EFCAB6: variants seen among roughly 807,000 people sequenced by gnomAD.
The protein encoded by EFCAB6 is EF-hand calcium binding domain 6.
In EFCAB6, 156 loss-of-function variants were observed where a neutral mutation model predicts 169.8. The ratio of observed to expected loss-of-function variants is 0.92; its 90% CI spans 0.81 to 1.05. EFCAB6 has a LOEUF of 1.05. Among genes scored for constraint, EFCAB6 ranks in the 50% least tolerant of loss-of-function variants. The pLI, the probability that EFCAB6 is intolerant of heterozygous loss-of-function variation, is 0.00. For missense variants in EFCAB6, 1,800 were observed against 1,829.1 expected (o/e 0.98, Z 0.29); for synonymous variants, 698 against 676.4 (o/e 1.03, Z -0.50).
At position 43,607,605 on chromosome 22, in the gene EFCAB6, C is replaced by T. The variant is rs77004505; in HGVS notation, c.2681+877G>A. Among the ~76,000 whole-genome samples, 354 of 152,316 alleles carry T rather than the reference C, an allele frequency of 2.3e-3. 2 individuals carry two copies. Among genetic ancestry groups the T allele is most frequent in the African/African-American group, 8.4e-3 (348 of 41,558 alleles). On this transcript the variant is annotated intron_variant, in intron 22 of 31. Transcript: ENST00000262726. ...AAAAGTAAGCATTTTGTAAGAACTTCCAGTTGCTTTTCTAAATTAGACACA... is the reference window on the plus strand; with the variant it reads ...AAAAGTAAGCATTTTGTAAGAACTTTCAGTTGCTTTTCTAAATTAGACACA...
At position 43,611,608 on chromosome 22, in the gene EFCAB6, G is replaced by C. The variant is rs549392429; in HGVS notation, c.2563-3008C>G. ...GCCCAGGAGTTCAAGACAAGTCTGG[G>C]AAACATGGCGAAACCCTATCTCCAC... On this transcript the variant is annotated intron_variant, in intron 21 of 31. Coordinates refer to ENST00000262726, the MANE Select transcript of EFCAB6 (RefSeq NM_022785.4). Among the ~76,000 whole-genome samples, 157 of 152,156 alleles carry C rather than the reference G, an allele frequency of 1.0e-3. 1 individual carries two copies. Among genetic ancestry groups the C allele is most frequent in the African/African-American group, 3.6e-3 (150 of 41,512 alleles).
At position 43,667,021 on chromosome 22, in the gene EFCAB6, G is replaced by A; in HGVS notation, c.1983+83C>T. Reference sequence around the variant, plus strand: ...ATGGATCTGCTGCGTCCTGGGATAAGCCATTGTCCTTTAAAGTATGTTAGT... The same window carrying A: ...ATGGATCTGCTGCGTCCTGGGATAAACCATTGTCCTTTAAAGTATGTTAGT... On this transcript the variant is annotated intron_variant, in intron 17 of 31. Transcript: ENST00000262726. 2.7e-6 allele frequency: 4 copies of A among 1,467,796 alleles called. No individual in the cohort carries two copies. The South Asian group carries it at 5.8e-5, about 21-fold the overall frequency. The allele number at this position is 1,467,796 out of a possible 1,614,324, so 90.9% of individuals were successfully genotyped here. A position where few individuals can be genotyped will look rare whatever the true frequency, so the allele number is the denominator to read the frequency against.
intron 23 of EFCAB6, among the ~76,000 whole-genome samples, chr22:43,597,300 A>G (rs1348245467): frequency 1.3e-5 from 2 of 152,176 alleles, no homozygotes; most frequent in Non-Finnish European, 2.9e-5. Flanking sequence ...GAACAAAGTG[A>G]AGAGACAGCC....
At chr22:43,620,311 AAAAAGAAAAGAAAAGAAAAAAG>A (rs1569261447) in intron 20 of EFCAB6, among the ~76,000 whole-genome samples, 1 of 152,110 alleles carries the variant, frequency 6.6e-6, no homozygotes, top group African/African-American at 2.4e-5. Context: ...AGCTAGTTAA[AAAAAGAAAAGAAAAGAAAAAAG>A]AAAAGAAAAG....
rs112443491 is a variant in EFCAB6 at position 43,632,084 on chromosome 22, C to A, written c.2232+21G>T. The stretch of plus-strand genomic sequence containing the variant: ...GCAGGGGAGGCCTAGAGAAGCCCAG[C>A]GCCAGACAGTCACGGTTTACCCGGA... On this transcript the variant is annotated intron_variant, in intron 19 of 31. Coordinates refer to ENST00000262726, the MANE Select transcript of EFCAB6 (RefSeq NM_022785.4). The A allele has an allele frequency of 3.6e-3, 5,855 of 1,611,912 alleles. 11 individuals carry two copies. The highest frequency in any genetic ancestry group is 4.5e-3 in the Non-Finnish European group (5,349 of 1,178,622).
intron 12 of EFCAB6, among the ~76,000 whole-genome samples, chr22:43,682,508 G>T (rs546489216): frequency 5.9e-5 from 9 of 152,176 alleles, no homozygotes; most frequent in African/African-American, 2.2e-4. Flanking sequence ...GAACCTGAGT[G>T]GGGGTGGGTA....
chr22:43,572,536 C>G lies in EFCAB6; in HGVS notation c.3420+3761G>C, dbSNP rs1040048993. Among the ~76,000 whole-genome samples, 5 of 152,216 alleles carry G rather than the reference C, an allele frequency of 3.3e-5. No individual in the cohort carries two copies. The highest frequency in any genetic ancestry group is 1.2e-4 in the African/African-American group (5 of 41,458). ...ACCCCAAGCCTACGGCCGCCTGGCT[C>G]CTTCGCTCCCTGGCCCCATCTCCTT... On this transcript the variant is annotated intron_variant, in intron 26 of 31. Transcript: ENST00000262726. The surrounding 1 kb of genome is among the most constrained non-coding windows in gnomAD (Gnocchi z 4.0).
At position 43,537,639 on chromosome 22, in the gene EFCAB6, AT is replaced by A; in HGVS notation, c.3880-95del. The A allele has an allele frequency of 7.4e-7, 1 of 1,358,498 alleles. No homozygotes were observed. The highest frequency in any genetic ancestry group is 9.8e-7 in the Non-Finnish European group (1 of 1,016,550). 84.2% of individuals were successfully genotyped at this position (1,358,498 alleles called of 1,614,324 possible). The stretch of plus-strand genomic sequence containing the variant: ...AATACCTCCAGTTTTGAGGTTCACA[AT>A]TTTAGAGGCAGAATTAGCCCAGAAA... On this transcript the variant is annotated intron_variant, in intron 28 of 31. Transcript: ENST00000262726. This position sits in a 1 kb window ranked among gnomAD's most constrained non-coding sequence, Gnocchi z 4.3.
chr22:43,534,719 T>C lies in EFCAB6; in HGVS notation c.4202A>G (p.His1401Arg), dbSNP rs947715665. Residue 1401 changes from histidine to arginine, a missense_variant, in exon 30 of 32, where the codon CAC becomes CGC. Transcript: ENST00000262726. ...LLKAKESSLM[H>R]RMKIQNAHKM... ...GTGTGCATTCTGGATCTTCATCCTG[T>C]GCATCAGTGAGCTTTCCTTTGCTTT... 6.2e-6 allele frequency: 10 copies of C among 1,613,022 alleles called. No homozygotes were observed. The African/African-American group carries it at 1.2e-4, about 19-fold the overall frequency.
intron 8 of EFCAB6, among the ~76,000 whole-genome samples, chr22:43,727,596 C>T (rs2059785266): frequency 6.6e-6 from 1 of 152,044 alleles, no homozygotes; most frequent in Admixed American, 6.5e-5. Flanking sequence ...TGTAAAAGTA[C>T]AATGCAGGGC....
At chr22:43,576,922 C>A (rs922043637) in intron 25 of EFCAB6, among the ~76,000 whole-genome samples, 8 of 152,162 alleles carry the variant, frequency 5.3e-5, no homozygotes, top group African/African-American at 1.9e-4. Context: ...TCAGGAGAGA[C>A]CCCACCGCAT....
intron 17 of EFCAB6, among the ~76,000 whole-genome samples, chr22:43,660,807 T>C (rs2100207507): frequency 6.6e-6 from 1 of 152,202 alleles, no homozygotes; most frequent in African/African-American, 2.4e-5. Context: ...CCTGGAGCTG[T>C]GGAAAGCTAA....
intron 27 of EFCAB6, among the ~76,000 whole-genome samples, chr22:43,542,164 G>T (rs1268344902): frequency 1.3e-5 from 2 of 152,250 alleles, no homozygotes; most frequent in Non-Finnish European, 2.9e-5. Context: ...ACTGAGGGAG[G>T]TCGGTGTGCA....
chr22:43,653,246 T>C (rs1236818584), intron 17 of EFCAB6, among the ~76,000 whole-genome samples: 1 of 152,074 alleles, frequency 6.6e-6, no homozygotes, highest in Non-Finnish European at 1.5e-5. Context: ...AGGATTCATA[T>C]AAAGAAAGCT....
intron 2 of EFCAB6, among the ~76,000 whole-genome samples, chr22:43,785,187 A>T (rs1169270447): frequency 6.6e-6 from 1 of 152,222 alleles, no homozygotes; most frequent in African/African-American, 2.4e-5. Context: ...TAGACCTCAC[A>T]GACAACTAAA....
chr22:43,551,295 T>G (rs2048362863), intron 27 of EFCAB6, among the ~76,000 whole-genome samples: 1 of 152,230 alleles, frequency 6.6e-6, no homozygotes, highest in African/African-American at 2.4e-5. Context: ...TTGCTGTTGA[T>G]CAGCCCATCC....
intron 28 of EFCAB6, among the ~76,000 whole-genome samples, chr22:43,539,685 G>A (rs559495701): frequency 2.8e-4 from 42 of 152,310 alleles, no homozygotes; most frequent in African/African-American, 1.0e-3. Flanking sequence ...GTCGCTCCAC[G>A]TCTGAGGGAC....
intron 31 of EFCAB6, 188 bp downstream of exon 31, chr22:43,530,627 G>A (rs1415859387): frequency 1.0e-6 from 1 of 985,326 alleles, no homozygotes; most frequent in Non-Finnish European, 1.2e-6. Context: ...AGGAGAACCC[G>A]GGGTCTGAAG....
intron 10 of EFCAB6, among the ~76,000 whole-genome samples, chr22:43,696,468 C>T (rs2058579287): frequency 6.6e-6 from 1 of 152,160 alleles, no homozygotes; most frequent in Non-Finnish European, 1.5e-5. Context: ...GAAATGAAAA[C>T]ATGTCCACAC....
Sources: allele counts gnomAD v4.1 joint callset (sites outside exome capture counted in the v4.1 genomes callset), GRCh38; gene constraint gnomAD v4.1.1; non-coding constraint Gnocchi (gnomAD v3.1); transcripts MANE v1.5; gene names NCBI Gene and HGNC (gene_info 2026-07-23, HGNC 2026-07-21).